Variants in MAP3K5 observed in about 807,000 individuals in gnomAD.
MAP3K5 encodes the protein mitogen-activated protein kinase kinase kinase 5, also known as ASK-1.
A neutral mutation model predicts 158.7 loss-of-function variants in MAP3K5; 56 were observed. The ratio of observed to expected loss-of-function variants is 0.35; its 90% CI spans 0.28 to 0.44. The LOEUF is 0.44. MAP3K5 is among the 20% of genes least tolerant of loss of function. The pLI, the probability that MAP3K5 is intolerant of heterozygous loss-of-function variation, is 1.00. For synonymous variants in MAP3K5, 579 were observed against 601.7 expected (o/e 0.96, Z 0.55); for missense variants, 1,294 against 1,674.8 (o/e 0.77, Z 3.97).
chr6:136,586,393 T>C (rs1259561629), intron 23 of MAP3K5, among the ~76,000 whole-genome samples: 1 of 152,224 alleles, frequency 6.6e-6, no homozygotes, highest in African/African-American at 2.4e-5. Flanking sequence ...TGCTTCTGGT[T>C]TTTTGATGTG....
chr6:136,670,039 G>T (rs1779415972), intron 7 of MAP3K5, among the ~76,000 whole-genome samples: 1 of 151,922 alleles, frequency 6.6e-6, no homozygotes, highest in African/African-American at 2.4e-5. Flanking sequence ...AATTCCATAA[G>T]AATGATATAA....
intron 19 of MAP3K5, 149 bp downstream of exon 19, chr6:136,605,060 A>T: frequency 1.4e-6 from 1 of 722,716 alleles, no homozygotes; most frequent in Non-Finnish European, 2.2e-6. Context: ...GCTGGTTCTA[A>T]CCGAGAGAGA....
intron 21 of MAP3K5, among the ~76,000 whole-genome samples, chr6:136,598,486 G>A (rs1039191134): frequency 6.6e-6 from 1 of 152,174 alleles, no homozygotes; most frequent in South Asian, 2.1e-4. Context: ...ATCCTTATAC[G>A]TTCAGGGCCT....
chr6:136,724,909 T>G (rs1472208721), intron 1 of MAP3K5, among the ~76,000 whole-genome samples: 1 of 152,164 alleles, frequency 6.6e-6, no homozygotes, highest in African/African-American at 2.4e-5. Flanking sequence ...AAAATCTCCC[T>G]CATGCTGCCC....
At chr6:136,601,744 T>C (rs1775884644) in intron 20 of MAP3K5, 58 bp downstream of exon 20, 2 of 1,522,762 alleles carry the variant, frequency 1.3e-6, no homozygotes, top group Non-Finnish European at 1.8e-6. Flanking sequence ...AATTCTTCCA[T>C]CTTAAAAGCT....
intron 1 of MAP3K5, among the ~76,000 whole-genome samples, chr6:136,779,252 T>C (rs1784514200): frequency 6.6e-6 from 1 of 151,562 alleles, no homozygotes; most frequent in South Asian, 2.1e-4. Flanking sequence ...TCAAAATATA[T>C]ACATAAATAA....
intron 25 of MAP3K5, among the ~76,000 whole-genome samples, chr6:136,569,283 A>T (rs1278751417): frequency 6.6e-6 from 1 of 152,206 alleles, no homozygotes; most frequent in East Asian, 1.9e-4. Flanking sequence ...TCTGTAGAGA[A>T]TCCCCTTCCC....
chr6:136,639,640 T>G lies in MAP3K5; in HGVS notation c.1839-2A>C. On this transcript the variant is annotated splice_acceptor_variant, in intron 12 of 29. Transcript: ENST00000359015. LOFTEE classifies it high-confidence loss of function. ...CATCTTTCTTCAAATTTAGAAATAC[T>G]GAAACCAACAAACAAAAAGGCATTA... 2 of 1,506,030 alleles carry G rather than the reference T, an allele frequency of 1.3e-6. No individual in the cohort carries two copies. Among genetic ancestry groups the G allele is most frequent in the Non-Finnish European group, 9.1e-7 (1 of 1,095,916 alleles). The allele number at this position is 1,506,030 out of a possible 1,614,324, so 93.3% of individuals were successfully genotyped here. A position where few individuals can be genotyped will look rare whatever the true frequency, so the allele number is the denominator to read the frequency against.
At chr6:136,593,194 T>G (rs981532291) in intron 21 of MAP3K5, among the ~76,000 whole-genome samples, 6 of 152,200 alleles carry the variant, frequency 3.9e-5, no homozygotes, top group Non-Finnish European at 8.8e-5. Context: ...AAACAAATTT[T>G]GGAAACAGAT....
At chr6:136,586,470 CTACT>C (rs1775145859) in intron 23 of MAP3K5, among the ~76,000 whole-genome samples, 2 of 152,208 alleles carry the variant, frequency 1.3e-5, no homozygotes, top group African/African-American at 4.8e-5. Context: ...ACTATTTCAT[CTACT>C]TACGTCATCA....
intron 1 of MAP3K5, among the ~76,000 whole-genome samples, chr6:136,735,762 A>C (rs578134242): frequency 6.6e-6 from 1 of 152,144 alleles, no homozygotes; most frequent in Non-Finnish European, 1.5e-5. Context: ...CCGGGAGTTC[A>C]AGGTTACAGT....
At chr6:136,639,677 A>G (rs1777826376) in intron 12 of MAP3K5, 39 bp from the exon 13 acceptor site, 1 of 990,682 alleles carries the variant, frequency 1.0e-6, no homozygotes, top group Non-Finnish European at 1.6e-6. Flanking sequence ...TCAGAGAACT[A>G]TCAATTCTTC....
chr6:136,688,281 C>G (rs568989568), intron 7 of MAP3K5, among the ~76,000 whole-genome samples: 2 of 152,056 alleles, frequency 1.3e-5, no homozygotes, highest in South Asian at 4.1e-4. Flanking sequence ...GGGTAGGGGG[C>G]TAGGGGAGGC....
At chr6:136,784,349 T>C (rs1037607721) in intron 1 of MAP3K5, among the ~76,000 whole-genome samples, 1 of 152,208 alleles carries the variant, frequency 6.6e-6, no homozygotes, top group Non-Finnish European at 1.5e-5. Context: ...TTCCGTCCGA[T>C]TTTCTAGTTA....
chr6:136,748,593 A>G (rs1193772974), intron 1 of MAP3K5, among the ~76,000 whole-genome samples: 6 of 152,216 alleles, frequency 3.9e-5, no homozygotes, highest in African/African-American at 1.4e-4. Flanking sequence ...ACCTGAGAAA[A>G]TATACAAAAG....
intron 18 of MAP3K5, among the ~76,000 whole-genome samples, chr6:136,606,674 A>C (rs1776115186): frequency 6.6e-6 from 1 of 152,142 alleles, no homozygotes; most frequent in African/African-American, 2.4e-5. Context: ...GCAAACAAGA[A>C]CTCATCCAAG....
At chr6:136,560,416 T>C (rs1436565475) in intron 28 of MAP3K5, among the ~76,000 whole-genome samples, 1 of 152,030 alleles carries the variant, frequency 6.6e-6, no homozygotes, top group Non-Finnish European at 1.5e-5. Flanking sequence ...CAGGCAAAGA[T>C]TGCAGTGAGC....
At chr6:136,650,082 A>AG (rs1240034824) in intron 11 of MAP3K5, among the ~76,000 whole-genome samples, 1 of 152,202 alleles carries the variant, frequency 6.6e-6, no homozygotes, top group Non-Finnish European at 1.5e-5. Flanking sequence ...AGTGGAAAGC[A>AG]AGCACCATGG....
intron 18 of MAP3K5, among the ~76,000 whole-genome samples, chr6:136,608,511 T>C (rs1776197692): frequency 6.6e-6 from 1 of 152,036 alleles, no homozygotes; most frequent in African/African-American, 2.4e-5. Context: ...GGTTGGAGTG[T>C]GAGAAAAGAG....
Sources: gnomAD v4.1 joint callset for allele counts (sites outside exome capture counted in the v4.1 genomes callset) on GRCh38, gnomAD v4.1.1 for gene constraint, MANE v1.5 for transcripts, NCBI Gene and HGNC (gene_info 2026-07-23, HGNC 2026-07-21) for gene names.